Variants in ADRA1A observed in about 807,000 individuals in gnomAD.
ADRA1A encodes the protein alpha-1A adrenergic receptor.
A neutral mutation model predicts 29.6 loss-of-function variants in ADRA1A; 31 were observed. The observed-to-expected ratio is 1.05, with a 90% confidence interval of 0.79 to 1.41. The LOEUF (loss-of-function observed/expected upper bound fraction) is 1.41. Ranked by LOEUF, ADRA1A falls within the 40% of genes most tolerant of loss-of-function variation. ADRA1A has a pLI of 0.00. For synonymous variants in ADRA1A, 311 were observed against 254.3 expected (o/e 1.22, Z -2.12); for missense variants, 619 against 601.1 (o/e 1.03, Z -0.31).
chr8:26,789,767 G>T (rs1470118794), intron 2 of ADRA1A, among the ~76,000 whole-genome samples: 2 of 152,084 alleles, frequency 1.3e-5, no homozygotes, highest in African/African-American at 4.8e-5. Flanking sequence ...CTATTAAACA[G>T]TGAAAAATGT....
chr8:26,763,646 A>T (rs1805627870), downstream of ADRA1A, among the ~76,000 whole-genome samples: 1 of 152,222 alleles, frequency 6.6e-6, no homozygotes, highest in Admixed American at 6.5e-5. The surrounding 1 kb of genome is among the most constrained non-coding windows in gnomAD (Gnocchi z 4.5). Flanking sequence ...AAATATTTGT[A>T]TGTGGAACAC....
intron 2 of ADRA1A, among the ~76,000 whole-genome samples, chr8:26,797,908 C>A (rs1808291434): frequency 6.6e-6 from 1 of 152,052 alleles, no homozygotes; most frequent in Admixed American, 6.6e-5. Flanking sequence ...TAGAAGGACA[C>A]AAGGTGTCTT....
intron 2 of ADRA1A, among the ~76,000 whole-genome samples, chr8:26,822,249 A>G (rs1358847040): frequency 6.6e-6 from 1 of 152,222 alleles, no homozygotes; most frequent in African/African-American, 2.4e-5. Context: ...TTTGAGTTGT[A>G]TGTGTCTTGA....
At chr8:26,842,346 A>G (rs1811875380) in intron 2 of ADRA1A, among the ~76,000 whole-genome samples, 1 of 152,228 alleles carries the variant, frequency 6.6e-6, no homozygotes, top group Non-Finnish European at 1.5e-5. Flanking sequence ...CCATCATTTC[A>G]GGCAAAATAT....
intron 2 of ADRA1A, among the ~76,000 whole-genome samples, chr8:26,772,883 A>ACATG (rs79239280): frequency 0.31 from 46,773 of 151,594 alleles, 7,339 homozygotes; most frequent in East Asian, 0.42. Flanking sequence ...ACACACACAC[A>ACATG]ATGGGTGTTT....
chr8:26,756,077 A>G (rs1805151391), downstream of ADRA1A, among the ~76,000 whole-genome samples: 1 of 152,338 alleles, frequency 6.6e-6, no homozygotes, highest in East Asian at 1.9e-4. Context: ...TTGCTTCCCC[A>G]CTTTTGGCAA....
chr8:26,864,807 G>C lies in ADRA1A; in HGVS notation c.163C>G (p.Arg55Gly). Reference sequence around the variant, plus strand: ...TAGTGCGTGACTGAGTGCAGGTGTCGGTGACAGGCTACGGAGAGGATCACT... The same window carrying C: ...TAGTGCGTGACTGAGTGCAGGTGTCCGTGACAGGCTACGGAGAGGATCACT... The part of the protein sequence containing the change: ...ILVILSVACH[R>G]HLHSVTHYYI... The change falls in exon 2 of 3, where the codon CGA becomes GGA. Residue 55 changes from arginine (R) to glycine (G), a missense_variant. Physicochemically the swap from Arg to Gly is moderately radical, Grantham distance 125 (BLOSUM62 -2). Coordinates refer to ENST00000380573, the MANE Select transcript of ADRA1A (RefSeq NM_000680.4). The surrounding 1 kb of genome is among the most constrained non-coding windows in gnomAD (Gnocchi z 8.1). The C allele has an allele frequency of 6.2e-7, 1 of 1,614,148 alleles. No individual in the cohort carries two copies. The highest frequency in any genetic ancestry group is 2.2e-5 in the East Asian group (1 of 44,860).
downstream of ADRA1A, among the ~76,000 whole-genome samples, chr8:26,754,346 A>G (rs923415908): frequency 2.0e-5 from 3 of 152,198 alleles, no homozygotes; most frequent in African/African-American, 7.2e-5. Context: ...CCAAACTCTC[A>G]GCACGATTCA....
Position 26,770,671 on chromosome 8 carries a change from A to G in ADRA1A, c.884-5T>C. 1 of 1,605,052 alleles carries G rather than the reference A, an allele frequency of 6.2e-7. No homozygotes were observed. The highest frequency in any genetic ancestry group is 1.1e-5 in the South Asian group (1 of 90,226). On this transcript the variant is annotated splice_region_variant and splice_polypyrimidine_tract_variant and intron_variant, in intron 2 of 2. Transcript: ENST00000380573. ...TGAAATCAGGGAAGAAAGACCCTGGAAGAAAACACACAGATTTATACATAT... is the reference window on the plus strand; with the variant it reads ...TGAAATCAGGGAAGAAAGACCCTGGGAGAAAACACACAGATTTATACATAT...
In ADRA1A at chr8:26,768,899, A is replaced by T. The variant is rs973286906; in HGVS notation, c.*1250T>A. The T allele has an allele frequency of 5.1e-6, 5 of 985,362 alleles. No homozygotes were observed. In the African/African-American group the frequency reaches 8.7e-5, roughly 17 times the overall value. The allele number at this position is 985,362 out of a possible 1,614,324, so 61.0% of individuals were successfully genotyped here. ...AGCTCTTGCAGAAAAGTAGGAATAG[A>T]TGAAGTTGAGTTGACTACTGGATCT... is the stretch of plus-strand genomic sequence containing the variant. On this transcript the variant is annotated 3_prime_UTR_variant, in exon 3 of 3. Coordinates refer to ENST00000380573, the MANE Select transcript of ADRA1A (RefSeq NM_000680.4).
chr8:26,867,292 G>C (rs1813966888), upstream of ADRA1A: 2 of 985,320 alleles, frequency 2.0e-6, no homozygotes, highest in African/African-American at 1.7e-5. Flanking sequence ...CAGTAGCCCA[G>C]CTAGTACCGT....
chr8:26,843,520 C>T (rs973661688), intron 2 of ADRA1A, among the ~76,000 whole-genome samples: 9 of 152,150 alleles, frequency 5.9e-5, no homozygotes, highest in African/African-American at 2.2e-4. Flanking sequence ...GAACTGATGG[C>T]CATGGTGAAC....
chr8:26,763,728 ACGGCCCATGAGCTCACTC>A (rs1168270269), downstream of ADRA1A, among the ~76,000 whole-genome samples: 7 of 152,150 alleles, frequency 4.6e-5, no homozygotes, highest in Non-Finnish European at 7.4e-5. The surrounding 1 kb of genome is among the most constrained non-coding windows in gnomAD (Gnocchi z 4.5). Flanking sequence ...ACGGCAAATT[ACGGCCCATGAGCTCACTC>A]CGGCCTGCAG....
intron 2 of ADRA1A, chr8:26,779,436 A>G (rs1270327845): frequency 1.4e-6 from 1 of 701,920 alleles, no homozygotes; most frequent in Non-Finnish European, 2.6e-6. Flanking sequence ...CTCATCTGTA[A>G]AAGTAAAGAC....
At chr8:26,859,041 C>T (rs1456241649) in intron 2 of ADRA1A, 1 of 1,245,244 alleles carries the variant, frequency 8.0e-7, no homozygotes, top group Non-Finnish European at 1.0e-6. Flanking sequence ...CCTGATTTTC[C>T]TGGGTCAGTC....
rs550587647 is a variant in ADRA1A at position 26,774,526 on chromosome 8, G to T, written c.884-3860C>A. 1.4e-4 allele frequency among the ~76,000 whole-genome samples: 22 copies of T among 152,218 alleles called. No homozygotes were observed. In the South Asian group the frequency reaches 2.7e-3, roughly 19 times the overall value. On this transcript the variant is annotated intron_variant, in intron 2 of 2. Transcript: ENST00000380573. ...TTTACTAAAAATACAAAAATTAGCT[G>T]GGTGTGGTGGCATGTGCCTGTAGTT...
At chr8:26,824,955 C>T (rs1163009751) in intron 2 of ADRA1A, among the ~76,000 whole-genome samples, 2 of 152,182 alleles carry the variant, frequency 1.3e-5, no homozygotes, top group African/African-American at 4.8e-5. Context: ...GAGAAGGCAG[C>T]TTCCTTCTCT....
In ADRA1A at chr8:26,815,891, AG is replaced by A. The variant is rs1008488679; in HGVS notation, c.884-45226del. On this transcript the variant is annotated intron_variant, in intron 2 of 2. Coordinates refer to ENST00000380573, the MANE Select transcript of ADRA1A (RefSeq NM_000680.4). The surrounding 1 kb of genome is among the most constrained non-coding windows in gnomAD (Gnocchi z 4.2). ...TTCTCTGGAGAGGTTCCAGGGCAGAAGGAATGAGAGAAAAGGGAAATGAGAC... is the reference window on the plus strand; with the variant it reads ...TTCTCTGGAGAGGTTCCAGGGCAGAAGAATGAGAGAAAAGGGAAATGAGAC... Among the ~76,000 whole-genome samples, 2 of 152,166 alleles carry A rather than the reference AG, an allele frequency of 1.3e-5. No homozygotes were observed. The highest frequency in any genetic ancestry group is 4.8e-5 in the African/African-American group (2 of 41,440).
chr8:26,839,370 G>C (rs1563296499), intron 2 of ADRA1A, among the ~76,000 whole-genome samples: 1 of 152,080 alleles, frequency 6.6e-6, no homozygotes, highest in East Asian at 1.9e-4. Flanking sequence ...GTGTTAGCCA[G>C]GATGGTCTCG....
Sources: gnomAD v4.1 joint callset for allele counts (sites outside exome capture counted in the v4.1 genomes callset) on GRCh38, gnomAD v4.1.1 for gene constraint, Gnocchi (gnomAD v3.1) non-coding constraint, MANE v1.5 for transcripts, NCBI Gene and HGNC (gene_info 2026-07-23, HGNC 2026-07-21) for gene names.